The following CREBL2 variants were observed in gnomAD, a reference collection of about 807,000 sequenced individuals.
The protein encoded by CREBL2 is cAMP responsive element binding protein like 2, also known as cAMP-responsive element-binding protein-like 2.
Under a neutral mutation model 19.5 loss-of-function variants are expected in CREBL2, and 4 were observed. The ratio of observed to expected loss-of-function variants is 0.20; its 90% CI spans 0.10 to 0.47. The LOEUF is 0.47. CREBL2 is among the 20% of genes least tolerant of loss of function. The pLI is 0.98. For missense variants in CREBL2, 85 were observed against 145.1 expected, an observed-to-expected ratio of 0.59 and a Z score of 2.13; for synonymous variants, 42 against 46.6, an observed-to-expected ratio of 0.90 and a Z score of 0.40.
intron 1 of CREBL2, chr12:12,632,547 C>A (rs1459038612): frequency 6.6e-6 from 1 of 152,076 alleles, no homozygotes; most frequent in Non-Finnish European, 1.5e-5. Flanking sequence ...TCTGGCGTCT[C>A]AAAAGCAGCT....
intron 1 of CREBL2, chr12:12,614,856 A>AT: frequency 4.1e-6 from 1 of 245,064 alleles, no homozygotes; most frequent in Non-Finnish European, 7.7e-6. Context: ...GTAGGGCATT[A>AT]GTTTTTTTTT....
intron 3 of CREBL2, 92 bp downstream of exon 3, chr12:12,637,806 C>A: frequency 3.0e-6 from 4 of 1,323,174 alleles, no homozygotes; most frequent in South Asian, 1.9e-5. Context: ...TTTGGGAGGC[C>A]GAGGTGGGCA....
chr12:12,642,211 T>C lies in CREBL2; in HGVS notation c.*213T>C. On this transcript the variant is annotated 3_prime_UTR_variant, in exon 4 of 4. Transcript: ENST00000228865. ...TAGAAAATCTACAAACATTCAGACC[T>C]GTCTGGGTTGGTATTGCCACCCATG... is the stretch of plus-strand genomic sequence containing the variant. The C allele has an allele frequency of 2.5e-6, 1 of 392,410 alleles. No homozygotes were observed. 24.3% of individuals were successfully genotyped at this position (392,410 alleles called of 1,614,324 possible).
chr12:12,632,068 C>CTTT (rs869253910), intron 1 of CREBL2, among the ~76,000 whole-genome samples: 2,708 of 80,632 alleles, frequency 0.034, 682 homozygotes, highest in East Asian at 0.053. Context: ...CTATGCCTTT[C>CTTT]TTTTTTTTTT....
chr12:12,619,676 A>C (rs1014402184), intron 1 of CREBL2, among the ~76,000 whole-genome samples: 1 of 152,144 alleles, frequency 6.6e-6, no homozygotes, highest in Admixed American at 6.5e-5. Context: ...GAAATGTGTT[A>C]TTTTCAGAGG....
intron 1 of CREBL2, chr12:12,615,329 G>A (rs984022557): frequency 1.3e-5 from 2 of 151,254 alleles, no homozygotes; most frequent in Non-Finnish European, 2.9e-5. Context: ...TGAGATTACA[G>A]GCATGAGCAC....
chr12:12,638,778 A>T (rs757603422), intron 3 of CREBL2, among the ~76,000 whole-genome samples: 2 of 152,330 alleles, frequency 1.3e-5, no homozygotes, highest in Non-Finnish European at 2.9e-5. Context: ...TCCTCACCTA[A>T]TCCAGGCTGT....
chr12:12,612,310 C>T, intron 1 of CREBL2, 123 bp downstream of exon 1: 1 of 1,542,728 alleles, frequency 6.5e-7, no homozygotes, highest in Non-Finnish European at 8.8e-7. Flanking sequence ...CATCCCTGCG[C>T]CTCTCCAGTC....
chr12:12,631,003 T>A (rs904409763), intron 1 of CREBL2, among the ~76,000 whole-genome samples: 1 of 152,242 alleles, frequency 6.6e-6, no homozygotes, highest in Non-Finnish European at 1.5e-5. Context: ...CAGTTCCAGG[T>A]GCTTACTTTG....
At chr12:12,641,250 ATTATTTTTTTTTATTTTTT>A (rs1402845020) in intron 3 of CREBL2, among the ~76,000 whole-genome samples, 1 of 58,020 alleles carries the variant, frequency 1.7e-5, no homozygotes, top group East Asian at 4.0e-4. Context: ...TATTATTATT[ATTATTTTTTTTTATTTTTT>A]TTTTTTTTAG....
intron 1 of CREBL2, among the ~76,000 whole-genome samples, chr12:12,622,713 A>G (rs1163204116): frequency 2.6e-5 from 4 of 152,246 alleles, no homozygotes; most frequent in Non-Finnish European, 4.4e-5. Context: ...AGCCTAACCC[A>G]CAGCTGTGAA....
intron 3 of CREBL2, among the ~76,000 whole-genome samples, chr12:12,641,370 C>T (rs1174928939): frequency 6.7e-6 from 1 of 149,458 alleles, no homozygotes; most frequent in African/African-American, 2.5e-5. Context: ...TGCAGTGGCA[C>T]GATCTTGGCT....
At chr12:12,624,516 A>T (rs955484219) in intron 1 of CREBL2, among the ~76,000 whole-genome samples, 6 of 152,212 alleles carry the variant, frequency 3.9e-5, no homozygotes, top group Non-Finnish European at 5.9e-5. Context: ...TCCTTGCAGG[A>T]GGGAGCATGT....
intron 1 of CREBL2, among the ~76,000 whole-genome samples, chr12:12,627,100 G>A (rs945009901): frequency 7.2e-5 from 11 of 152,114 alleles, no homozygotes; most frequent in African/African-American, 2.4e-4. Context: ...GCAGTGAGAC[G>A]ATTCTGTATG....
rs57522744 is a variant in CREBL2 at position 12,613,990 on chromosome 12, C to CT, written c.15+1823dup. 3.0e-4 allele frequency among the ~76,000 whole-genome samples: 22 copies of CT among 72,910 alleles called. 1 individual carries two copies. The highest frequency in any genetic ancestry group is 9.4e-4 in the African/African-American group (17 of 18,086). The allele number at this position is 72,910 out of a possible 152,430, so 47.8% of individuals were successfully genotyped here. On this transcript the variant is annotated intron_variant, in intron 1 of 3. Transcript: ENST00000228865. ...CACTTCTTTCTTTTTTCTTTTTTTT[C>CT]TTTTTTTTTTTTTTTTTTTTGAGAC...
chr12:12,612,425 T>G (rs1323372645), intron 1 of CREBL2, among the ~76,000 whole-genome samples: 1 of 152,164 alleles, frequency 6.6e-6, no homozygotes, highest in African/African-American at 2.4e-5. Flanking sequence ...GTTTGCTAGC[T>G]TTCCAGGTAG....
intron 3 of CREBL2, among the ~76,000 whole-genome samples, chr12:12,641,428 C>G (rs929527260): frequency 2.6e-5 from 4 of 151,420 alleles, no homozygotes; most frequent in Admixed American, 6.6e-5. Flanking sequence ...CTGCCTCAGC[C>G]TCCCAAGTAG....
rs553222756 is a variant in CREBL2, at chr12:12,622,575, C to G, written c.15+10388C>G. Among the ~76,000 whole-genome samples, 11 of 152,330 alleles carry G rather than the reference C, an allele frequency of 7.2e-5. No individual in the cohort carries two copies. The East Asian group carries it at 1.3e-3, about 19-fold the overall frequency. On this transcript the variant is annotated intron_variant, in intron 1 of 3. Transcript: ENST00000228865. ...GAGAGAGGAGAGGCAGAAGTTAACT[C>G]TCAGGCTAGAGATGCCTACTTGATC...
chr12:12,615,977 G>T (rs1384302681), intron 1 of CREBL2: 1 of 152,098 alleles, frequency 6.6e-6, no homozygotes, highest in Non-Finnish European at 1.5e-5. Context: ...AAAAGTCTTT[G>T]GTAGCTTGAT....
Sources: allele counts gnomAD v4.1 joint callset (sites outside exome capture counted in the v4.1 genomes callset), GRCh38; gene constraint gnomAD v4.1.1; transcripts MANE v1.5; gene names NCBI Gene and HGNC (gene_info 2026-07-23, HGNC 2026-07-21).